Variants in PLK3 observed in about 807,000 individuals in gnomAD.
The protein encoded by PLK3 is serine/threonine-protein kinase PLK3.
Under a neutral mutation model 71.6 loss-of-function variants are expected in PLK3, and 41 were observed. That is an observed-to-expected ratio of 0.57 (90% CI 0.45 to 0.74). The LOEUF (loss-of-function observed/expected upper bound fraction) is 0.74, where lower values mean the gene tolerates loss of function less well. Ranked by LOEUF, PLK3 falls within the 30% of genes least tolerant of loss-of-function variation. PLK3 has a pLI of 0.00. For synonymous variants in PLK3, 366 were observed against 355.4 expected (o/e 1.03, Z -0.33); for missense variants, 791 against 875.6 (o/e 0.90, Z 1.22).
Position 44,803,466 on chromosome 1 carries a change from G to A in PLK3, c.1072+75G>A, listed in dbSNP as rs1651904947. The A allele has an allele frequency of 3.7e-6, 6 of 1,603,850 alleles. No individual in the cohort carries two copies. Among genetic ancestry groups the A allele is most frequent in the Non-Finnish European group, 4.3e-6 (5 of 1,172,860 alleles). On this transcript the variant is annotated intron_variant, in intron 8 of 14. Coordinates refer to ENST00000372201, the MANE Select transcript of PLK3 (RefSeq NM_004073.4). The surrounding 1 kb of genome is among the most constrained non-coding windows in gnomAD (Gnocchi z 4.3). ...TGTCACATTTGTCTTGGGTGTGTGA[G>A]TGTGGGTGCCTGGAAACTCCTGGGG...
chr1:44,802,561 A>G (rs975815753), intron 5 of PLK3, among the ~76,000 whole-genome samples, 199 bp from the exon 6 acceptor site: 5 of 152,078 alleles, frequency 3.3e-5, no homozygotes, highest in Non-Finnish European at 7.4e-5. Context: ...CCTGTCATGA[A>G]GAGCAGCTGA....
In PLK3 at chr1:44,803,970, G is replaced by C; in HGVS notation, c.1204G>C (p.Glu402Gln). Residue 402 changes from glutamate to glutamine, a missense_variant, in exon 10 of 15, where the codon GAG becomes CAG. By Grantham distance (29) the Glu-to-Gln change is conservative. Transcript: ENST00000372201. The surrounding 1 kb of genome is among the most constrained non-coding windows in gnomAD (Gnocchi z 4.3). Reference protein sequence around the residue: ...ASGPAPVSLVETAPEDSSPRG... With the variant: ...ASGPAPVSLVQTAPEDSSPRG... ...TGGCCCAGCCCCTGTCAGCCTGGTA[G>C]AGACAGCACCTGAAGACAGCTCACC... The C allele has an allele frequency of 6.4e-7, 1 of 1,553,018 alleles. No individual in the cohort carries two copies. The highest frequency in any genetic ancestry group is 8.7e-7 in the Non-Finnish European group (1 of 1,147,508).
In PLK3 at chr1:44,802,810, A is replaced by G; in HGVS notation, c.704A>G (p.Gln235Arg). 1 of 1,613,976 alleles carries G rather than the reference A, an allele frequency of 6.2e-7. No individual in the cohort carries two copies. The part of the protein sequence containing the change: ...NYVAPEVLLR[Q>R]GHGPEADVWS... Reference sequence around the variant, plus strand: ...GTGGCTCCAGAAGTGCTGCTGAGACAGGGCCACGGCCCTGAGGCGGATGTA... The same window carrying G: ...GTGGCTCCAGAAGTGCTGCTGAGACGGGGCCACGGCCCTGAGGCGGATGTA... Residue 235 changes from glutamine (Q) to arginine (R), a missense_variant, in exon 6 of 15, where the codon CAG becomes CGG. Gln to Arg is a conservative substitution (Grantham distance 43). Transcript: ENST00000372201.
Position 44,803,511 on chromosome 1 carries a change from C to T in PLK3, c.1073-89C>T. ...CTGGGGAGAGCATGTGCAGTACAGG[C>T]ACTTGGGGAGGCCAATCTCTGTGTC... On this transcript the variant is annotated intron_variant, in intron 8 of 14. Coordinates refer to ENST00000372201, the MANE Select transcript of PLK3 (RefSeq NM_004073.4). This position sits in a 1 kb window ranked among gnomAD's most constrained non-coding sequence, Gnocchi z 4.3. 1 of 1,577,320 alleles carries T rather than the reference C, an allele frequency of 6.3e-7. No individual in the cohort carries two copies. Among genetic ancestry groups the T allele is most frequent in the Non-Finnish European group, 8.7e-7 (1 of 1,149,036 alleles).
At position 44,800,442 on chromosome 1, in the gene PLK3, C is replaced by A. The variant is rs1169734599; in HGVS notation, c.-22C>A. 7.5e-7 allele frequency: 1 copy of A among 1,325,458 alleles called. No individual in the cohort carries two copies. The highest frequency in any genetic ancestry group is 3.2e-5 in the East Asian group (1 of 30,818). The allele number at this position is 1,325,458 out of a possible 1,614,324, so 82.1% of individuals were successfully genotyped here. A position where few individuals can be genotyped will look rare whatever the true frequency, so the allele number is the denominator to read the frequency against. On this transcript the variant is annotated 5_prime_UTR_variant, in exon 1 of 15. Coordinates refer to ENST00000372201, the MANE Select transcript of PLK3 (RefSeq NM_004073.4). This position sits in a 1 kb window ranked among gnomAD's most constrained non-coding sequence, Gnocchi z 6.5. Reference sequence around the variant, plus strand: ...CCGGGCGGAACCGAGAAGCCGGGACCGCGCTGCGACGCGCCGGCCGCATGG... The same window carrying A: ...CCGGGCGGAACCGAGAAGCCGGGACAGCGCTGCGACGCGCCGGCCGCATGG...
rs1261268895 is a variant in PLK3, at chr1:44,805,637, C to G, written c.1900C>G (p.Arg634Gly). 8 of 1,613,914 alleles carry G rather than the reference C, an allele frequency of 5.0e-6. No homozygotes were observed. The highest frequency in any genetic ancestry group is 6.8e-6 in the Non-Finnish European group (8 of 1,180,008). The change falls in exon 15 of 15, where the codon CGC becomes GGC. Residue 634 changes from arginine (R) to glycine (G), a missense_variant. Physicochemically the swap from Arg to Gly is moderately radical, Grantham distance 125. Coordinates refer to ENST00000372201, the MANE Select transcript of PLK3 (RefSeq NM_004073.4). ...GCSPDLRQRL[R>G]YALRLLRDRS... ...CTCTCCAGACCTGCGGCAGCGACTCCGCTATGCTCTGCGCCTGCTCCGGGA... is the reference window on the plus strand; with the variant it reads ...CTCTCCAGACCTGCGGCAGCGACTCGGCTATGCTCTGCGCCTGCTCCGGGA...
rs1481548926 is a variant in PLK3 at position 44,805,746 on chromosome 1, C to T, written c.*68C>T. On this transcript the variant is annotated 3_prime_UTR_variant, in exon 15 of 15. Coordinates refer to ENST00000372201, the MANE Select transcript of PLK3 (RefSeq NM_004073.4). ...GGCCCTTGCCTTTGTGGCCTTCCCC[C>T]TTCCTTTGGTGCCTCACTGGGGGCT... 9.3e-6 allele frequency: 14 copies of T among 1,513,130 alleles called. No individual in the cohort carries two copies. The South Asian group carries it at 1.3e-4, about 14-fold the overall frequency. 93.7% of individuals were successfully genotyped at this position (1,513,130 alleles called of 1,614,324 possible).
At chr1:44,801,998 T>A in intron 5 of PLK3, 66 bp downstream of exon 5, 1 of 1,236,322 alleles carries the variant, frequency 8.1e-7, no homozygotes, top group Non-Finnish European at 1.2e-6. Flanking sequence ...AGTGCATATG[T>A]ATGTGGGAGG....
intron 10 of PLK3, 45 bp downstream of exon 10, chr1:44,804,069 TGA>T: frequency 6.5e-7 from 1 of 1,546,348 alleles, no homozygotes; most frequent in Non-Finnish European, 8.9e-7. Context: ...TTGCTGGAGC[TGA>T]GATCAGGGGC....
At position 44,803,673 on chromosome 1, in the gene PLK3, T is replaced by A. The variant is rs751299609; in HGVS notation, c.1146T>A (p.His382Gln). The A allele has an allele frequency of 6.2e-7, 1 of 1,613,028 alleles. No individual in the cohort carries two copies. The highest frequency in any genetic ancestry group is 8.5e-7 in the Non-Finnish European group (1 of 1,179,376). Residue 382 changes from histidine (H) to glutamine (Q), a missense_variant, in exon 9 of 15, where the codon CAT (histidine) becomes CAA (glutamine). Coordinates refer to ENST00000372201, the MANE Select transcript of PLK3 (RefSeq NM_004073.4). This position sits in a 1 kb window ranked among gnomAD's most constrained non-coding sequence, Gnocchi z 4.3. ...GCCTCATGCGCACATCCGTTGGCCA[T>A]CAGGATGCCAGGCCAGAGGTGAGGC... ...VSGLMRTSVGHQDARPEAPAA... is the reference protein window; with the variant it reads ...VSGLMRTSVGQQDARPEAPAA...
rs554503154 is a variant in PLK3 at position 44,805,779 on chromosome 1, G to A, written c.*101G>A. 1.3e-5 allele frequency: 17 copies of A among 1,357,054 alleles called. 1 individual carries two copies. In the East Asian group the frequency reaches 3.4e-4, roughly 27 times the overall value. The allele number at this position is 1,357,054 out of a possible 1,614,324, so 84.1% of individuals were successfully genotyped here. A position where few individuals can be genotyped will look rare whatever the true frequency, so the allele number is the denominator to read the frequency against. The stretch of plus-strand genomic sequence containing the variant: ...GGTGCCTCACTGGGGGCTTTGGGCC[G>A]AATCCCCCAGGGAATCAGGGACCAG... On this transcript the variant is annotated 3_prime_UTR_variant, in exon 15 of 15. Transcript: ENST00000372201.
In PLK3 at chr1:44,805,396, G is replaced by A. The variant is rs1441327194; in HGVS notation, c.1749+17G>A. On this transcript the variant is annotated intron_variant, in intron 14 of 14. Transcript: ENST00000372201. ...ACTGTCCAGGTAAGAGCCTATCCAGGAGTTGCGGGAAGGTCTGGGAGGCCC... is the reference window on the plus strand; with the variant it reads ...ACTGTCCAGGTAAGAGCCTATCCAGAAGTTGCGGGAAGGTCTGGGAGGCCC... 1 of 1,610,442 alleles carries A rather than the reference G, an allele frequency of 6.2e-7. No homozygotes were observed. The highest frequency in any genetic ancestry group is 1.7e-5 in the Admixed American group (1 of 60,026).
intron 10 of PLK3, 30 bp downstream of exon 10, chr1:44,804,054 A>G: frequency 6.5e-7 from 1 of 1,546,156 alleles, no homozygotes; most frequent in East Asian, 2.3e-5. Context: ...GAGAGGTGAT[A>G]GAGGTTGCTG....
chr1:44,803,731 C>G lies in PLK3; in HGVS notation c.1164+40C>G. On this transcript the variant is annotated intron_variant, in intron 9 of 14. Coordinates refer to ENST00000372201, the MANE Select transcript of PLK3 (RefSeq NM_004073.4). The surrounding 1 kb of genome is among the most constrained non-coding windows in gnomAD (Gnocchi z 4.3). ...TGGACACTGTTCCCCTGACTCACCC[C>G]CACCCTAGCAGCTGAGGGAAGCCGG... 1 of 1,469,110 alleles carries G rather than the reference C, an allele frequency of 6.8e-7. No individual in the cohort carries two copies. Among genetic ancestry groups the G allele is most frequent in the Non-Finnish European group, 9.5e-7 (1 of 1,057,234 alleles). The allele number at this position is 1,469,110 out of a possible 1,614,324, so 91.0% of individuals were successfully genotyped here.
Position 44,801,082 on chromosome 1 carries a change from TC to T in PLK3, c.366del (p.Ile122MetfsTer78). On this transcript the variant is annotated frameshift_variant, in exon 3 of 15. Coordinates refer to ENST00000372201, the MANE Select transcript of PLK3 (RefSeq NM_004073.4). LOFTEE classifies it high-confidence loss of function. Reference protein sequence around the residue: ...ELHRDLQHRHIVRFSHHFEDA... With the variant: ...ELHRDLQHRHXVRFSHHFEDA... ...CACCGAGACCTGCAGCACCGCCACA[TC>T]GTGCGTTTTTCGCACCACTTTGAGG... The T allele has an allele frequency of 1.2e-6, 2 of 1,613,620 alleles. No homozygotes were observed. Among genetic ancestry groups the T allele is most frequent in the Non-Finnish European group, 1.7e-6 (2 of 1,179,920 alleles).
Position 44,803,972 on chromosome 1 carries a change from G to C in PLK3, c.1206G>C (p.Glu402Asp). The C allele has an allele frequency of 6.4e-7, 1 of 1,552,932 alleles. No homozygotes were observed. The highest frequency in any genetic ancestry group is 1.2e-5 in the South Asian group (1 of 84,388). Residue 402 changes from glutamate (E) to aspartate (D), a missense_variant, in exon 10 of 15, where the codon GAG becomes GAC. Physicochemically the swap from Glu to Asp is conservative, Grantham distance 45 (BLOSUM62 2). Transcript: ENST00000372201. This position sits in a 1 kb window ranked among gnomAD's most constrained non-coding sequence, Gnocchi z 4.3. ...GCCCAGCCCCTGTCAGCCTGGTAGA[G>C]ACAGCACCTGAAGACAGCTCACCCC... ...ASGPAPVSLV[E>D]TAPEDSSPRG...
In PLK3 at chr1:44,804,496, C is replaced by G. The variant is rs1651943406; in HGVS notation, c.1500C>G (p.Asn500Lys). 1.2e-6 allele frequency: 2 copies of G among 1,613,978 alleles called. No homozygotes were observed. The highest frequency in any genetic ancestry group is 2.7e-5 in the African/African-American group (2 of 74,930). Residue 500 changes from asparagine to lysine, a missense_variant, in exon 12 of 15, where the codon AAC (asparagine) becomes AAG (lysine). Coordinates refer to ENST00000372201, the MANE Select transcript of PLK3 (RefSeq NM_004073.4). ...NDGTHMALSA[N>K]RKTVHYNPTS... ...GCACACATATGGCCCTGTCGGCCAA[C>G]AGAAAGTAAGTGCTGTTATGGGGTG...
In PLK3 at chr1:44,800,979, G is replaced by T; in HGVS notation, c.318+32G>T. ...CCAGGCTCAGCGGGCGAGGGGTGGG[G>T]TGGGGACGGTGGCATGGGAACCATG... On this transcript the variant is annotated intron_variant, in intron 2 of 14. Transcript: ENST00000372201. This position sits in a 1 kb window ranked among gnomAD's most constrained non-coding sequence, Gnocchi z 6.5. 1 of 1,608,456 alleles carries T rather than the reference G, an allele frequency of 6.2e-7. No individual in the cohort carries two copies. The highest frequency in any genetic ancestry group is 8.5e-7 in the Non-Finnish European group (1 of 1,175,468).
In PLK3 at chr1:44,801,726, C is replaced by T; in HGVS notation, c.540C>T (p.Gly180=). Reference sequence around the variant, plus strand: ...GCCTCAAGTACTTGCACCAGCGCGGCATCTTGCACCGGGACCTCAAGTTGG... The same window carrying T: ...GCCTCAAGTACTTGCACCAGCGCGGTATCTTGCACCGGGACCTCAAGTTGG... The part of the protein sequence containing the change: ...LSGLKYLHQR[G]ILHRDLKLGN... Residue 180 remains glycine, a synonymous_variant, in exon 4 of 15, where the codon GGC becomes GGT. Transcript: ENST00000372201. The T allele has an allele frequency of 6.5e-7, 1 of 1,537,536 alleles. No homozygotes were observed. Among genetic ancestry groups the T allele is most frequent in the Non-Finnish European group, 8.8e-7 (1 of 1,133,146 alleles).
Sources: allele counts gnomAD v4.1 joint callset (sites outside exome capture counted in the v4.1 genomes callset), GRCh38; gene constraint gnomAD v4.1.1; non-coding constraint Gnocchi (gnomAD v3.1); transcripts MANE v1.5; gene names NCBI Gene and HGNC (gene_info 2026-07-23, HGNC 2026-07-21).